SSUH2: variants seen among roughly 807,000 people sequenced by gnomAD.
The protein encoded by SSUH2 is ssu-2 homolog.
Under a neutral mutation model 55.3 loss-of-function variants are expected in SSUH2, and 47 were observed. The observed-to-expected ratio is 0.85, with a 90% CI of 0.67 to 1.08. SSUH2 has a LOEUF of 1.08. Among genes scored for constraint, SSUH2 ranks in the 50% least tolerant of loss-of-function variants. The pLI is 0.00. For synonymous variants in SSUH2, 212 were observed against 191.5 expected (o/e 1.11, Z -0.89); for missense variants, 535 against 490.7 (o/e 1.09, Z -0.85).
intron 7 of SSUH2, among the ~76,000 whole-genome samples, chr3:8,651,109 T>C (rs1286712681): frequency 2.0e-5 from 3 of 152,192 alleles, no homozygotes; most frequent in Non-Finnish European, 4.4e-5. Flanking sequence ...CAAAGCCAAT[T>C]TGGAATTTTA....
At chr3:8,670,678 T>A (rs959213550) in intron 5 of SSUH2, among the ~76,000 whole-genome samples, 2 of 151,932 alleles carry the variant, frequency 1.3e-5, no homozygotes, top group African/African-American at 2.4e-5. Context: ...AGGGTGTACA[T>A]GCATTGTGAC....
intron 8 of SSUH2, 91 bp from the exon 9 acceptor site, chr3:8,626,412 G>A: frequency 7.8e-6 from 7 of 901,386 alleles, no homozygotes; most frequent in Middle Eastern, 2.3e-4. Context: ...CCTCCTGGAG[G>A]TAGACTGTGG....
chr3:8,680,733 C>T (rs554963033), intron 1 of SSUH2, among the ~76,000 whole-genome samples: 57 of 152,064 alleles, frequency 3.7e-4, no homozygotes, highest in African/African-American at 1.3e-3. Flanking sequence ...TATGAAGGAG[C>T]ATCTCACACA....
intron 5 of SSUH2, among the ~76,000 whole-genome samples, chr3:8,668,967 A>AAAGGGAGGAAGGGAAGGAAGGAGG (rs1704256937): frequency 2.0e-5 from 3 of 151,980 alleles, no homozygotes; most frequent in Non-Finnish European, 2.9e-5. Flanking sequence ...GGAGGGAAGG[A>AAAGGGAGGAAGGGAAGGAAGGAGG]AAGGGAGGAA....
intron 1 of SSUH2, chr3:8,640,153 G>T: frequency 3.9e-6 from 1 of 257,604 alleles, no homozygotes; most frequent in Non-Finnish European, 6.1e-6. Context: ...GAGAAGGATG[G>T]TCATGGCTGC....
upstream of SSUH2, among the ~76,000 whole-genome samples, chr3:8,646,012 A>G (rs1701637580): frequency 6.6e-6 from 1 of 152,216 alleles, no homozygotes; most frequent in Non-Finnish European, 1.5e-5. Context: ...TATAAGTTTC[A>G]TTACTGTGTA....
chr3:8,673,073 TAAG>T (rs1559543280), intron 3 of SSUH2, among the ~76,000 whole-genome samples: 1 of 151,778 alleles, frequency 6.6e-6, no homozygotes, highest in East Asian at 1.9e-4. Flanking sequence ...ATATTAATAT[TAAG>T]AAATCATTGC....
intron 5 of SSUH2, among the ~76,000 whole-genome samples, chr3:8,665,236 G>A (rs1703886466): frequency 6.6e-6 from 1 of 152,156 alleles, no homozygotes; most frequent in South Asian, 2.1e-4. Flanking sequence ...TGAAAGAAAT[G>A]AATTGGAAGA....
chr3:8,621,120 T>C (rs1696344115), intron 11 of SSUH2, among the ~76,000 whole-genome samples: 1 of 152,220 alleles, frequency 6.6e-6, no homozygotes, highest in African/African-American at 2.4e-5. Flanking sequence ...CTCCTGATCA[T>C]CTAAGCCAAG....
intron 7 of SSUH2, among the ~76,000 whole-genome samples, chr3:8,658,711 ATC>A (rs1703188294): frequency 6.6e-6 from 1 of 152,082 alleles, no homozygotes; most frequent in African/African-American, 2.4e-5. Flanking sequence ...ATATTCTGCT[ATC>A]TCATTCTTTC....
chr3:8,648,025 G>A (rs1229026048), upstream of SSUH2, among the ~76,000 whole-genome samples: 2 of 152,180 alleles, frequency 1.3e-5, no homozygotes, highest in African/African-American at 4.8e-5. Context: ...TATCCCTCCA[G>A]GCCCAAGTCG....
chr3:8,670,957 A>G (rs777456186), intron 5 of SSUH2: 2 of 385,774 alleles, frequency 5.2e-6, no homozygotes, highest in South Asian at 3.8e-5. Flanking sequence ...ATTAGAAGTA[A>G]CATCCCCCGA....
chr3:8,628,981 G>C (rs1698181431), intron 7 of SSUH2, among the ~76,000 whole-genome samples: 2 of 152,188 alleles, frequency 1.3e-5, no homozygotes, highest in Non-Finnish European at 2.9e-5. Context: ...TCAGCCTCCT[G>C]AGTAGCTGGG....
At chr3:8,675,885 T>C (rs187644361) in intron 3 of SSUH2, among the ~76,000 whole-genome samples, 11 of 152,180 alleles carry the variant, frequency 7.2e-5, no homozygotes, top group Admixed American at 4.6e-4. Context: ...AGAGAAAAGA[T>C]GGCAGCTGGA....
At chr3:8,653,176 TGAA>T (rs200726121) in intron 7 of SSUH2, among the ~76,000 whole-genome samples, 1,826 of 152,320 alleles carry the variant, frequency 0.012, 33 homozygotes, top group African/African-American at 0.04. Flanking sequence ...TGGCTGGACA[TGAA>T]GAAGGTCAAT....
At chr3:8,659,422 C>T (rs1703254875) in intron 6 of SSUH2, 1 of 163,160 alleles carries the variant, frequency 6.1e-6, no homozygotes, top group Non-Finnish European at 1.3e-5. Context: ...ACTCCAGCCT[C>T]ACCTCCTCCA....
chr3:8,656,448 G>A (rs1702939676), intron 7 of SSUH2, among the ~76,000 whole-genome samples: 2 of 152,140 alleles, frequency 1.3e-5, no homozygotes, highest in South Asian at 4.1e-4. Flanking sequence ...TGGATTGAGC[G>A]TTCCAATTCT....
chr3:8,633,251 G>C lies in SSUH2; in HGVS notation c.339+415C>G, dbSNP rs571420480. ...CTCCGCCTCCCAGTTTCAAGCAATT[G>C]TCCTGCCTCAGCCTCCCGAGTAGCT... On this transcript the variant is annotated intron_variant, in intron 4 of 11. Transcript: ENST00000544814. Among the ~76,000 whole-genome samples, 286 of 148,358 alleles carry C rather than the reference G, an allele frequency of 1.9e-3. 1 individual carries two copies. The highest frequency in any genetic ancestry group is 2.7e-3 in the Admixed American group (40 of 14,634).
intron 1 of SSUH2, among the ~76,000 whole-genome samples, chr3:8,641,615 C>A (rs778682249): frequency 6.6e-6 from 1 of 152,236 alleles, no homozygotes; most frequent in Non-Finnish European, 1.5e-5. Context: ...ATCCCCCTCC[C>A]GAAGTGTGCA....
Sources: gnomAD v4.1 joint callset for allele counts (sites outside exome capture counted in the v4.1 genomes callset) on GRCh38, gnomAD v4.1.1 for gene constraint, MANE v1.5 for transcripts, NCBI Gene and HGNC (gene_info 2026-07-23, HGNC 2026-07-21) for gene names.